The following FCHSD2 variants were observed in gnomAD, a reference collection of about 807,000 sequenced individuals.
The protein encoded by FCHSD2 is F-BAR and double SH3 domains protein 2.
A neutral mutation model predicts 108.1 loss-of-function variants in FCHSD2; 38 were observed. That is an observed-to-expected ratio of 0.35 (90% CI 0.27 to 0.46). The LOEUF is 0.46. Ranked by LOEUF, FCHSD2 falls within the 20% of genes least tolerant of loss-of-function variation. FCHSD2 has a pLI of 1.00. For missense variants in FCHSD2, 751 were observed against 897.8 expected (o/e 0.84, Z 2.09); for synonymous variants, 279 against 314.7 (o/e 0.89, Z 1.20).
At chr11:72,908,225 T>C (rs1450106441) in intron 9 of FCHSD2, among the ~76,000 whole-genome samples, 3 of 152,248 alleles carry the variant, frequency 2.0e-5, no homozygotes, top group Non-Finnish European at 4.4e-5. Context: ...TTCTTTTTCA[T>C]GGCTGAATAA....
At chr11:73,136,887 C>CCGGGCGTGGTGG (rs1379684664) in intron 2 of FCHSD2, among the ~76,000 whole-genome samples, 2 of 151,974 alleles carry the variant, frequency 1.3e-5, no homozygotes, top group Non-Finnish European at 2.9e-5. Flanking sequence ...AAAAAATTAG[C>CCGGGCGTGGTGG]CGGGCGTGGT....
chr11:73,006,512 T>C (rs1385591409), intron 4 of FCHSD2, among the ~76,000 whole-genome samples: 3 of 152,164 alleles, frequency 2.0e-5, no homozygotes, highest in Non-Finnish European at 4.4e-5. Context: ...GGAATTTAAT[T>C]ACTGCCAGTC....
intron 10 of FCHSD2, chr11:72,900,223 C>CCAACCACCCCCCCA: frequency 1.1e-6 from 1 of 951,014 alleles, no homozygotes; most frequent in Non-Finnish European, 1.7e-6. Flanking sequence ...CCACACTTCC[C>CCAACCACCCCCCCA]ATCCCTCCCG....
chr11:72,979,932 A>T (rs1020164056), intron 8 of FCHSD2, among the ~76,000 whole-genome samples: 10 of 152,326 alleles, frequency 6.6e-5, no homozygotes, highest in African/African-American at 2.4e-4. Context: ...GATAACTGCT[A>T]ATGTAAGAAC....
chr11:72,996,221 C>T (rs1426332206), intron 5 of FCHSD2, among the ~76,000 whole-genome samples: 1 of 152,196 alleles, frequency 6.6e-6, no homozygotes, highest in East Asian at 1.9e-4. Flanking sequence ...CAAGTTCCCA[C>T]TCTGTTATTT....
Position 73,012,172 on chromosome 11 carries a change from G to C in FCHSD2, c.242+3637C>G, listed in dbSNP as rs1442218243. Among the ~76,000 whole-genome samples the C allele has an allele frequency of 2.0e-5, 3 of 152,092 alleles. No individual in the cohort carries two copies. In the East Asian group the frequency reaches 5.8e-4, roughly 29 times the overall value. On this transcript the variant is annotated intron_variant, in intron 4 of 19. Coordinates refer to ENST00000409418, the MANE Select transcript of FCHSD2 (RefSeq NM_014824.3). The stretch of plus-strand genomic sequence containing the variant: ...CAAAAGTATAGTTCATCAATACTAT[G>C]GCACTAAAGCAGGCATTAAAAAGAA...
At chr11:73,106,162 G>A (rs1312096087) in intron 2 of FCHSD2, among the ~76,000 whole-genome samples, 1 of 152,140 alleles carries the variant, frequency 6.6e-6, no homozygotes, top group African/African-American at 2.4e-5. Flanking sequence ...CGGAGGAGTT[G>A]AGGGGAGAAA....
At chr11:72,967,304 A>G (rs1856928406) in intron 8 of FCHSD2, among the ~76,000 whole-genome samples, 1 of 152,124 alleles carries the variant, frequency 6.6e-6, no homozygotes, top group Admixed American at 6.5e-5. Context: ...TAGTGGGGGA[A>G]ATAGATGAGA....
intron 3 of FCHSD2, among the ~76,000 whole-genome samples, chr11:73,067,095 C>T (rs1265578589): frequency 6.6e-6 from 1 of 152,122 alleles, no homozygotes; most frequent in African/African-American, 2.4e-5. Flanking sequence ...AAATGTCTAT[C>T]AATTATAGAC....
At chr11:72,941,236 T>C (rs1179940290) in intron 8 of FCHSD2, 4 of 229,598 alleles carry the variant, frequency 1.7e-5, no homozygotes, top group South Asian at 8.5e-5. Context: ...TCTTGTTCAC[T>C]ATGTGTCCCC....
chr11:72,998,273 C>T (rs1296550686), intron 5 of FCHSD2, among the ~76,000 whole-genome samples: 1 of 152,216 alleles, frequency 6.6e-6, no homozygotes, highest in African/African-American at 2.4e-5. Context: ...GGCGAGGTGG[C>T]TCATGCCTGT....
At chr11:72,961,683 T>C (rs938480592) in intron 8 of FCHSD2, among the ~76,000 whole-genome samples, 2 of 152,224 alleles carry the variant, frequency 1.3e-5, no homozygotes, top group African/African-American at 4.8e-5. Flanking sequence ...TTATTAAATA[T>C]ACTAGCCTAA....
intron 5 of FCHSD2, among the ~76,000 whole-genome samples, chr11:73,000,696 G>GA (rs1565362170): frequency 2.0e-5 from 3 of 152,134 alleles, no homozygotes; most frequent in African/African-American, 7.2e-5. Context: ...AAACTATACC[G>GA]ATATTGTGAA....
intron 2 of FCHSD2, among the ~76,000 whole-genome samples, chr11:73,138,425 A>G (rs953226079): frequency 6.6e-6 from 1 of 152,118 alleles, no homozygotes; most frequent in Non-Finnish European, 1.5e-5. Flanking sequence ...AGAAATTATT[A>G]CAACTACTGA....
chr11:72,841,695 T>C (rs1860957910), intron 17 of FCHSD2, 112 bp from the exon 18 acceptor site: 2 of 1,181,846 alleles, frequency 1.7e-6, no homozygotes, highest in South Asian at 1.8e-5. Context: ...AGCTGATTGT[T>C]GAAACTTGTC....
chr11:73,055,610 A>C (rs1225039552), intron 3 of FCHSD2, among the ~76,000 whole-genome samples: 1 of 152,242 alleles, frequency 6.6e-6, no homozygotes, highest in Non-Finnish European at 1.5e-5. Flanking sequence ...TTTATAATGT[A>C]TACAATATAT....
chr11:72,917,574 C>T (rs1451235695), intron 9 of FCHSD2, among the ~76,000 whole-genome samples: 1 of 151,980 alleles, frequency 6.6e-6, no homozygotes. Flanking sequence ...ATTCATGGTC[C>T]CTTGTAGTTC....
At chr11:73,067,588 G>A (rs533913568) in intron 3 of FCHSD2, among the ~76,000 whole-genome samples, 1 of 152,136 alleles carries the variant, frequency 6.6e-6, no homozygotes, top group East Asian at 1.9e-4. Flanking sequence ...ATATCATCAT[G>A]TTCAAGATCC....
At chr11:72,883,772 A>C (rs113285427) in intron 12 of FCHSD2, among the ~76,000 whole-genome samples, 1,541 of 152,158 alleles carry the variant, frequency 0.01, 20 homozygotes, top group African/African-American at 0.036. Context: ...CTCTACAAAA[A>C]AATAGAAAAA....
Sources: gnomAD v4.1 joint callset for allele counts (sites outside exome capture counted in the v4.1 genomes callset) on GRCh38, gnomAD v4.1.1 for gene constraint, MANE v1.5 for transcripts, NCBI Gene and HGNC (gene_info 2026-07-23, HGNC 2026-07-21) for gene names.